Variants in GTF2A1L observed in about 807,000 individuals in gnomAD.
The protein encoded by GTF2A1L is TFIIA-alpha and beta-like factor.
A neutral mutation model predicts 49.7 loss-of-function variants in GTF2A1L; 48 were observed. The ratio of observed to expected loss-of-function variants is 0.97; its 90% CI spans 0.77 to 1.23. The LOEUF (loss-of-function observed/expected upper bound fraction) is 1.23, where lower values mean the gene tolerates loss of function less well. Among genes scored for constraint, GTF2A1L ranks in the 50% most tolerant of loss-of-function variants. GTF2A1L has a pLI of 0.00. For synonymous variants in GTF2A1L, 246 were observed against 193.5 expected, an observed-to-expected ratio of 1.27 and a Z score of -2.25; for missense variants, 736 against 564.8, an observed-to-expected ratio of 1.30 and a Z score of -3.07.
chr2:48,668,017 C>T (rs77316753), intron 6 of GTF2A1L, among the ~76,000 whole-genome samples: 3,007 of 152,220 alleles, frequency 0.02, 104 homozygotes, highest in African/African-American at 0.069. Context: ...CAGGCTGATA[C>T]GATGAAGGCT....
chr2:48,620,741 C>A, intron 1 of GTF2A1L, 110 bp from the exon 2 acceptor site: 1 of 635,520 alleles, frequency 1.6e-6, no homozygotes, highest in Non-Finnish European at 2.0e-6. Flanking sequence ...CGTGCCACCG[C>A]ACTCCAGCCT....
chr2:48,640,144 C>T (rs1289248695), intron 3 of GTF2A1L, among the ~76,000 whole-genome samples: 1 of 152,072 alleles, frequency 6.6e-6, no homozygotes, highest in Non-Finnish European at 1.5e-5. Flanking sequence ...TATGGCAATT[C>T]CTCAAAGAGC....
chr2:48,678,835 G>C (rs1679609916), intron 8 of GTF2A1L, among the ~76,000 whole-genome samples: 1 of 151,952 alleles, frequency 6.6e-6, no homozygotes, highest in Admixed American at 6.6e-5. Flanking sequence ...ACTCTGTGCT[G>C]TTCTTGAACA....
At chr2:48,649,894 T>G (rs1386559599) in intron 6 of GTF2A1L, among the ~76,000 whole-genome samples, 1 of 152,232 alleles carries the variant, frequency 6.6e-6, no homozygotes, top group African/African-American at 2.4e-5. Context: ...CCGTGAGTGA[T>G]TCTTGGTTTT....
intron 6 of GTF2A1L, among the ~76,000 whole-genome samples, chr2:48,662,901 G>C (rs1678597114): frequency 6.6e-6 from 1 of 151,968 alleles, no homozygotes; most frequent in Non-Finnish European, 1.5e-5. Flanking sequence ...ATGAACACGG[G>C]AATAATTGAG....
At chr2:48,665,835 G>A (rs1358795158) in intron 6 of GTF2A1L, among the ~76,000 whole-genome samples, 3 of 152,026 alleles carry the variant, frequency 2.0e-5, no homozygotes, top group Non-Finnish European at 2.9e-5. Context: ...TGATTGCATT[G>A]TCCAGGGTTT....
At chr2:48,635,656 C>T (rs764318473) in intron 3 of GTF2A1L, among the ~76,000 whole-genome samples, 1 of 151,950 alleles carries the variant, frequency 6.6e-6, no homozygotes, top group Non-Finnish European at 1.5e-5. Flanking sequence ...AGGTGCTTTC[C>T]ACCTCAGAAG....
intron 6 of GTF2A1L, among the ~76,000 whole-genome samples, chr2:48,655,593 G>C (rs1367499394): frequency 1.3e-5 from 2 of 152,106 alleles, no homozygotes; most frequent in African/African-American, 4.8e-5. Flanking sequence ...AGTTTTTCCT[G>C]CCACCAGTAC....
intron 8 of GTF2A1L, among the ~76,000 whole-genome samples, chr2:48,674,636 A>T (rs951787400): frequency 3.3e-5 from 5 of 152,252 alleles, no homozygotes; most frequent in Admixed American, 3.3e-4. Context: ...ATAAAAAAAC[A>T]TTATAAGGTA....
At chr2:48,656,993 T>G (rs1453974255) in intron 6 of GTF2A1L, among the ~76,000 whole-genome samples, 1 of 152,236 alleles carries the variant, frequency 6.6e-6, no homozygotes, top group Non-Finnish European at 1.5e-5. Context: ...TATGGAAAAT[T>G]GACGTTTTAT....
In GTF2A1L at chr2:48,666,016, C is replaced by T. The variant is rs140711744; in HGVS notation, c.979-3706C>T. Among the ~76,000 whole-genome samples the T allele has an allele frequency of 1.0e-3, 157 of 152,090 alleles. 1 individual carries two copies. Among genetic ancestry groups the T allele is most frequent in the East Asian group, 5.6e-3 (29 of 5,184 alleles). On this transcript the variant is annotated intron_variant, in intron 6 of 8. Transcript: ENST00000403751. ...AGTATTTAGGATTGTCATCTTCAATCGATCCCTTTATTATATTTAATGTTT... is the reference window on the plus strand; with the variant it reads ...AGTATTTAGGATTGTCATCTTCAATTGATCCCTTTATTATATTTAATGTTT...
At chr2:48,657,609 G>A (rs1280219157) in intron 6 of GTF2A1L, among the ~76,000 whole-genome samples, 3 of 152,038 alleles carry the variant, frequency 2.0e-5, no homozygotes, top group Non-Finnish European at 4.4e-5. Flanking sequence ...TTTCCTTTGG[G>A]TATATATCCA....
At chr2:48,673,875 G>A (rs1325541142) in intron 8 of GTF2A1L, among the ~76,000 whole-genome samples, 1 of 152,004 alleles carries the variant, frequency 6.6e-6, no homozygotes, top group Non-Finnish European at 1.5e-5. Context: ...CTGTAATAAA[G>A]GTTTTATGAC....
chr2:48,619,336 C>T (rs927203471), intron 1 of GTF2A1L, among the ~76,000 whole-genome samples: 2 of 151,670 alleles, frequency 1.3e-5, no homozygotes, highest in South Asian at 2.1e-4. Flanking sequence ...CAGGTGAGGT[C>T]GTGCACGCCT....
At chr2:48,664,524 A>G (rs1678707463) in intron 6 of GTF2A1L, among the ~76,000 whole-genome samples, 1 of 151,988 alleles carries the variant, frequency 6.6e-6, no homozygotes, top group Admixed American at 6.6e-5. Flanking sequence ...ACTGGTCTGT[A>G]GTTTTGTTAT....
intron 3 of GTF2A1L, among the ~76,000 whole-genome samples, chr2:48,637,324 T>C (rs1676950302): frequency 6.6e-6 from 1 of 152,222 alleles, no homozygotes; most frequent in African/African-American, 2.4e-5. Flanking sequence ...TGAATGTGGA[T>C]ATTGTTATGC....
intron 2 of GTF2A1L, 69 bp from the exon 3 acceptor site, chr2:48,621,097 GA>G (rs1436533178): frequency 6.5e-7 from 1 of 1,532,932 alleles, no homozygotes; most frequent in Non-Finnish European, 8.7e-7. Flanking sequence ...TTAAGAAACT[GA>G]AAAAAAGAGA....
At chr2:48,622,658 T>C (rs2104065796) in intron 3 of GTF2A1L, among the ~76,000 whole-genome samples, 1 of 152,132 alleles carries the variant, frequency 6.6e-6, no homozygotes, top group African/African-American at 2.4e-5. Context: ...CTGTCTCTAC[T>C]TAAAAACAAA....
intron 8 of GTF2A1L, among the ~76,000 whole-genome samples, chr2:48,673,469 C>T (rs1380241577): frequency 6.8e-6 from 1 of 146,590 alleles, no homozygotes; most frequent in Non-Finnish European, 1.5e-5. Context: ...TTCAAAGGAT[C>T]TTCCTGCCTC....
Sources: gnomAD v4.1 joint callset for allele counts (sites outside exome capture counted in the v4.1 genomes callset) on GRCh38, gnomAD v4.1.1 for gene constraint, MANE v1.5 for transcripts, NCBI Gene and HGNC (gene_info 2026-07-23, HGNC 2026-07-21) for gene names.